The following ARL15 variants were observed in gnomAD, a reference collection of about 807,000 sequenced individuals.
ARL15 encodes ARF like GTPase 15.
ARL15 carries 19 observed loss-of-function variants against 25.2 expected under a neutral mutation model. The observed-to-expected ratio is 0.75, with a 90% CI of 0.53 to 1.10. The LOEUF (loss-of-function observed/expected upper bound fraction) is 1.10, where lower values mean the gene tolerates loss of function less well. Among genes scored for constraint, ARL15 ranks in the 50% least tolerant of loss-of-function variants. The pLI is 0.00. For synonymous variants in ARL15, 94 were observed against 86.8 expected (o/e 1.08, Z -0.46); for missense variants, 220 against 246.0 (o/e 0.89, Z 0.71).
At chr5:53,967,427 GA>G (rs1319460253) in intron 4 of ARL15, among the ~76,000 whole-genome samples, 3 of 152,192 alleles carry the variant, frequency 2.0e-5, no homozygotes. Context: ...AAGATGGAGA[GA>G]AAAGTGGTTA....
intron 4 of ARL15, among the ~76,000 whole-genome samples, chr5:53,929,939 T>C (rs1005719299): frequency 2.0e-5 from 3 of 152,064 alleles, no homozygotes; most frequent in Non-Finnish European, 2.9e-5. Flanking sequence ...TCTTTACTTA[T>C]GCTCTGTTCT....
intron 1 of ARL15, among the ~76,000 whole-genome samples, chr5:54,189,791 G>C (rs1755343417): frequency 6.6e-6 from 1 of 152,050 alleles, no homozygotes; most frequent in African/African-American, 2.4e-5. Context: ...CACAGACACA[G>C]ATGAAAAAAG....
At chr5:54,186,297 C>G (rs564632232) in intron 1 of ARL15, among the ~76,000 whole-genome samples, 1 of 152,312 alleles carries the variant, frequency 6.6e-6, no homozygotes, top group Admixed American at 6.5e-5. Flanking sequence ...CACATCAACA[C>G]ACGTGCCAGA....
chr5:54,103,084 TTAAGATA>T (rs1327659312), intron 4 of ARL15, among the ~76,000 whole-genome samples: 1 of 152,140 alleles, frequency 6.6e-6, no homozygotes, highest in Admixed American at 6.5e-5. Flanking sequence ...CTTGAACATA[TTAAGATA>T]TAAGCCTAAA....
chr5:54,081,218 C>T (rs533579260), intron 4 of ARL15, among the ~76,000 whole-genome samples: 3 of 152,224 alleles, frequency 2.0e-5, no homozygotes, highest in East Asian at 3.9e-4. Context: ...ATTTTTGTGT[C>T]AAGTTATTGG....
At chr5:53,951,160 T>C (rs10052240) in intron 4 of ARL15, among the ~76,000 whole-genome samples, 4 of 152,254 alleles carry the variant, frequency 2.6e-5, no homozygotes, top group African/African-American at 9.6e-5. Context: ...TTTGTTTATA[T>C]ATTGTCTATT....
rs1247242640 is a variant in ARL15 at position 53,904,259 on chromosome 5, C to T, written c.463-17546G>A. ...TGTTCATGACCAGTGGACACATCAC[C>T]CTGAATGATGGTAATTACCCAGTGG... is the stretch of plus-strand genomic sequence containing the variant. On this transcript the variant is annotated intron_variant, in intron 4 of 4. Coordinates refer to ENST00000504924, the MANE Select transcript of ARL15 (RefSeq NM_019087.3). 2.6e-5 allele frequency among the ~76,000 whole-genome samples: 4 copies of T among 152,128 alleles called. No homozygotes were observed. In the East Asian group the frequency reaches 7.7e-4, roughly 29 times the overall value.
chr5:54,154,948 C>T (rs900614824), intron 2 of ARL15, among the ~76,000 whole-genome samples: 3 of 152,054 alleles, frequency 2.0e-5, no homozygotes, highest in Admixed American at 6.6e-5. Context: ...TGGTGAAACC[C>T]CGTTTCTACT....
intron 2 of ARL15, among the ~76,000 whole-genome samples, chr5:54,157,661 T>C (rs561844685): frequency 2.0e-5 from 3 of 152,286 alleles, no homozygotes; most frequent in African/African-American, 7.2e-5. Context: ...TCTACCCGCC[T>C]CGGCCTCCCA....
chr5:54,112,185 G>T (rs890196562), intron 4 of ARL15, among the ~76,000 whole-genome samples: 7 of 151,896 alleles, frequency 4.6e-5, no homozygotes, highest in African/African-American at 1.7e-4. Flanking sequence ...CTTCTACTTA[G>T]GTGTTTAAAC....
chr5:54,105,080 G>A (rs1026063029), intron 4 of ARL15, among the ~76,000 whole-genome samples: 4 of 151,080 alleles, frequency 2.6e-5, no homozygotes, highest in African/African-American at 9.7e-5. Flanking sequence ...AATAACTAAC[G>A]CTTATTGTGC....
At chr5:53,930,930 G>T (rs1746178087) in intron 4 of ARL15, among the ~76,000 whole-genome samples, 1 of 152,114 alleles carries the variant, frequency 6.6e-6, no homozygotes, top group African/African-American at 2.4e-5. Flanking sequence ...CACTTTCCAT[G>T]ATTTTATTTA....
At chr5:53,918,382 G>T (rs115628310) in intron 4 of ARL15, among the ~76,000 whole-genome samples, 2 of 151,914 alleles carry the variant, frequency 1.3e-5, no homozygotes, top group Admixed American at 6.6e-5. Flanking sequence ...GAGATGGGGG[G>T]GGATCTCACT....
intron 1 of ARL15, among the ~76,000 whole-genome samples, chr5:54,231,354 T>C (rs1292069023): frequency 6.6e-6 from 1 of 152,166 alleles, no homozygotes; most frequent in African/African-American, 2.4e-5. Flanking sequence ...TGCCCACTTC[T>C]GCCACCCTCA....
chr5:54,234,723 T>G (rs569410576), intron 1 of ARL15, among the ~76,000 whole-genome samples: 1 of 152,176 alleles, frequency 6.6e-6, no homozygotes, highest in Non-Finnish European at 1.5e-5. Context: ...TTTCTGTCTG[T>G]GTCAAAAAAG....
At chr5:54,168,594 C>G (rs1302026788) in intron 2 of ARL15, among the ~76,000 whole-genome samples, 2 of 152,094 alleles carry the variant, frequency 1.3e-5, no homozygotes, top group African/African-American at 4.8e-5. Context: ...CTCTAAGTCT[C>G]TAGCCTTAGA....
intron 1 of ARL15, among the ~76,000 whole-genome samples, chr5:54,216,220 A>G (rs1579919631): frequency 6.6e-6 from 1 of 152,226 alleles, no homozygotes; most frequent in African/African-American, 2.4e-5. Flanking sequence ...TTACTCCTTC[A>G]AAACTTTAAG....
chr5:54,034,952 A>G (rs752148828), intron 4 of ARL15, among the ~76,000 whole-genome samples: 3 of 152,134 alleles, frequency 2.0e-5, no homozygotes, highest in African/African-American at 4.8e-5. Context: ...TACAGGTGTG[A>G]GCCACCACAC....
intron 1 of ARL15, among the ~76,000 whole-genome samples, chr5:54,300,777 CCTAA>C (rs1404444375): frequency 1.3e-5 from 2 of 152,198 alleles, no homozygotes; most frequent in African/African-American, 4.8e-5. Flanking sequence ...AGGACATCTT[CCTAA>C]CTAGTCTTGC....
Sources: allele counts gnomAD v4.1 joint callset (sites outside exome capture counted in the v4.1 genomes callset), GRCh38; gene constraint gnomAD v4.1.1; transcripts MANE v1.5; gene names NCBI Gene and HGNC (gene_info 2026-07-23, HGNC 2026-07-21).